The following MERTK variants were observed in gnomAD, a reference collection of about 807,000 sequenced individuals.
MERTK encodes the protein tyrosine-protein kinase Mer.
A neutral mutation model predicts 99.3 loss-of-function variants in MERTK; 69 were observed. The ratio of observed to expected loss-of-function variants is 0.70; its 90% CI spans 0.57 to 0.85. MERTK has a LOEUF of 0.85. Among genes scored for constraint, MERTK ranks in the 40% least tolerant of loss-of-function variants. The pLI is 0.00. For synonymous variants in MERTK, 426 were observed against 467.6 expected (o/e 0.91, Z 1.15); for missense variants, 1,125 against 1,249.4 (o/e 0.90, Z 1.50).
At chr2:111,943,578 A>G (rs1044156304) in intron 2 of MERTK, among the ~76,000 whole-genome samples, 4 of 152,270 alleles carry the variant, frequency 2.6e-5, no homozygotes, top group Admixed American at 2.0e-4. Context: ...ACATGTAAAC[A>G]CCGGGCATGT....
rs189848310 is a variant in MERTK at position 111,965,746 on chromosome 2, C to G, written c.844+469C>G. On this transcript the variant is annotated intron_variant, in intron 5 of 18. Transcript: ENST00000295408. ...CAGGTCAGCGGGGCCTGCTGACTGA[C>G]TCCCTGCCACCTACTGACTCAGGGA... 6.4e-3 allele frequency among the ~76,000 whole-genome samples: 980 copies of G among 152,204 alleles called. 13 individuals carry two copies. The highest frequency in any genetic ancestry group is 0.023 in the African/African-American group (944 of 41,518).
Position 111,947,585 on chromosome 2 carries a change from G to C in MERTK, c.757+18G>C, listed in dbSNP as rs777272879. On this transcript the variant is annotated intron_variant, in intron 4 of 18. Coordinates refer to ENST00000295408, the MANE Select transcript of MERTK (RefSeq NM_006343.3). ...TGTTCCAGGTAAGTCCGAGCTGTGG[G>C]CTTATTGATTTATTCTCTAATAGCG... 28 of 1,613,280 alleles carry C rather than the reference G, an allele frequency of 1.7e-5. 1 individual carries two copies. In the South Asian group the frequency reaches 3.1e-4, roughly 18 times the overall value.
intron 2 of MERTK, among the ~76,000 whole-genome samples, chr2:111,937,973 C>A (rs1684793281): frequency 6.6e-6 from 1 of 152,132 alleles, no homozygotes; most frequent in South Asian, 2.1e-4. Context: ...GTATACAATT[C>A]AGTGGCATTC....
intron 1 of MERTK, among the ~76,000 whole-genome samples, chr2:111,924,950 G>A (rs1281572833): frequency 1.3e-5 from 2 of 151,952 alleles, no homozygotes; most frequent in Non-Finnish European, 2.9e-5. Flanking sequence ...CTTTCAGTCC[G>A]GCAGTGGAGA....
At chr2:111,979,395 C>A (rs984924012) in intron 7 of MERTK, among the ~76,000 whole-genome samples, 2 of 152,084 alleles carry the variant, frequency 1.3e-5, no homozygotes, top group African/African-American at 4.8e-5. Flanking sequence ...AACTGTTTTT[C>A]AGTTTTAGTT....
intron 4 of MERTK, among the ~76,000 whole-genome samples, chr2:111,951,391 T>C (rs1685051858): frequency 6.6e-6 from 1 of 151,856 alleles, no homozygotes; most frequent in South Asian, 2.1e-4. Flanking sequence ...AGATTGCACA[T>C]GTAAGTGAGA....
chr2:111,910,602 G>A (rs1391401186), intron 1 of MERTK, among the ~76,000 whole-genome samples: 1 of 131,150 alleles, frequency 7.6e-6, no homozygotes, highest in Admixed American at 7.7e-5. Context: ...GTGTGTGTGT[G>A]TGTGTGTGTA....
intron 8 of MERTK, among the ~76,000 whole-genome samples, chr2:111,984,574 T>G (rs1262540820): frequency 6.6e-6 from 1 of 152,116 alleles, no homozygotes; most frequent in Admixed American, 6.5e-5. Flanking sequence ...ATTGAGGAGT[T>G]CTGACCCTAA....
intron 1 of MERTK, among the ~76,000 whole-genome samples, chr2:111,904,667 C>A (rs898049439): frequency 1.3e-5 from 2 of 152,344 alleles, no homozygotes; most frequent in African/African-American, 4.8e-5. Context: ...AACCACCTCA[C>A]CCAGCTCAGA....
At chr2:111,964,923 T>G (rs1351857504) in intron 4 of MERTK, among the ~76,000 whole-genome samples, 1 of 152,188 alleles carries the variant, frequency 6.6e-6, no homozygotes, top group East Asian at 1.9e-4. Context: ...ATCTAAATGA[T>G]CCTGCTTTAT....
intron 10 of MERTK, among the ~76,000 whole-genome samples, chr2:111,999,943 C>T (rs114056781): frequency 0.011 from 1,727 of 152,020 alleles, 46 homozygotes; most frequent in African/African-American, 0.04. Flanking sequence ...CTCAAGGGCC[C>T]GGGAGAATAT....
At chr2:112,010,390 A>G (rs924912776) in intron 15 of MERTK, 22 of 305,622 alleles carry the variant, frequency 7.2e-5, no homozygotes, top group Non-Finnish European at 1.4e-4. Flanking sequence ...CAGAGCTTGC[A>G]GACTATGGGA....
chr2:111,941,696 C>A (rs376496240), intron 2 of MERTK, among the ~76,000 whole-genome samples: 1 of 152,082 alleles, frequency 6.6e-6, no homozygotes, highest in African/African-American at 2.4e-5. Context: ...GTCTAGAAAG[C>A]GACAAGTATA....
intron 6 of MERTK, 73 bp from the exon 7 acceptor site, chr2:111,975,216 T>A (rs2104733644): frequency 6.9e-7 from 1 of 1,453,186 alleles, no homozygotes; most frequent in East Asian, 2.3e-5. Flanking sequence ...GTGCACCGAA[T>A]GCACACAGGC....
intron 15 of MERTK, among the ~76,000 whole-genome samples, chr2:112,014,678 C>T (rs1232499185): frequency 6.6e-6 from 1 of 151,822 alleles, no homozygotes; most frequent in African/African-American, 2.4e-5. Flanking sequence ...CTCTGTCACC[C>T]AGGCTGGAGT....
intron 4 of MERTK, among the ~76,000 whole-genome samples, chr2:111,962,067 T>C (rs1209332236): frequency 6.6e-6 from 1 of 152,192 alleles, no homozygotes; most frequent in Non-Finnish European, 1.5e-5. Flanking sequence ...CAAAATAAGC[T>C]TTTCTGCCAA....
chr2:111,957,016 C>T (rs1374843704), intron 4 of MERTK, among the ~76,000 whole-genome samples: 1 of 151,202 alleles, frequency 6.6e-6, no homozygotes, highest in South Asian at 2.1e-4. Context: ...CAAGCTCCAC[C>T]TCCCGGGTTC....
At chr2:112,019,381 T>C in intron 15 of MERTK, 32 bp from the exon 16 acceptor site, 1 of 1,534,986 alleles carries the variant, frequency 6.5e-7, no homozygotes, top group Non-Finnish European at 9.0e-7. Context: ...TTTTAAAAGA[T>C]AGTCTTTCTT....
intron 1 of MERTK, among the ~76,000 whole-genome samples, chr2:111,917,745 C>T (rs1379220397): frequency 4.6e-5 from 7 of 151,950 alleles, no homozygotes; most frequent in African/African-American, 9.7e-5. Flanking sequence ...ATTAGCTGGG[C>T]GTGGTAGCGT....
Sources: allele counts gnomAD v4.1 joint callset (sites outside exome capture counted in the v4.1 genomes callset), GRCh38; gene constraint gnomAD v4.1.1; transcripts MANE v1.5; gene names NCBI Gene and HGNC (gene_info 2026-07-23, HGNC 2026-07-21).